Variants in BABAM2 observed in about 807,000 individuals in gnomAD.
BABAM2 encodes BRISC and BRCA1 A complex member 2.
Under a neutral mutation model 54.7 loss-of-function variants are expected in BABAM2, and 31 were observed. The ratio of observed to expected loss-of-function variants is 0.57; its 90% CI spans 0.43 to 0.77. BABAM2 has a LOEUF of 0.77. Among genes scored for constraint, BABAM2 ranks in the 30% least tolerant of loss-of-function variants. BABAM2 has a pLI of 0.00. For missense variants in BABAM2, 364 were observed against 455.8 expected (o/e 0.80, Z 1.83); for synonymous variants, 167 against 162.9 (o/e 1.03, Z -0.19).
At chr2:28,104,403 G>A (rs374994266) in intron 6 of BABAM2, among the ~76,000 whole-genome samples, 1,884 of 152,288 alleles carry the variant, frequency 0.012, 17 homozygotes, top group Middle Eastern at 0.031. Context: ...CTTCTCAAAA[G>A]AAGACATTTA....
chr2:28,335,154 C>CTTTTTTTTTTTTTT lies in BABAM2; in HGVS notation c.1089-3282_1089-3269dup, dbSNP rs56135926. Among the ~76,000 whole-genome samples, 166 of 71,512 alleles carry CTTTTTTTTTTTTTT rather than the reference C, an allele frequency of 2.3e-3. 11 individuals carry two copies. Among genetic ancestry groups the CTTTTTTTTTTTTTT allele is most frequent in the African/African-American group, 3.6e-3 (60 of 16,460 alleles). The allele number at this position is 71,512 out of a possible 152,430, so 46.9% of individuals were successfully genotyped here. On this transcript the variant is annotated intron_variant, in intron 11 of 11. Transcript: ENST00000379624. ...CTGGAGCTGCTGTCTCTCCCACCTT[C>CTTTTTTTTTTTTTT]TTTTTTTTTTTTTTTTTTTTTTTTT... is the stretch of plus-strand genomic sequence containing the variant.
At chr2:27,953,395 A>T (rs1357785109) in intron 3 of BABAM2, among the ~76,000 whole-genome samples, 1 of 151,856 alleles carries the variant, frequency 6.6e-6, no homozygotes, top group African/African-American at 2.4e-5. Flanking sequence ...GTTGCCCAGG[A>T]TGGTCTTGAA....
chr2:28,025,234 C>G lies in BABAM2; in HGVS notation c.309C>G (p.Ala103=), dbSNP rs1455955875. The change falls in exon 5 of 12, where the codon GCC becomes GCG. Residue 103 remains alanine (A), a synonymous_variant. Transcript: ENST00000379624. The stretch of plus-strand genomic sequence containing the variant: ...TGTTACGACTTCTACAGAATCTTGC[C>G]TCCTGGAATCCTTCAAATCCTGAAT... ...LPDPSALQNL[A]SWNPSNPECL... is the part of the protein sequence containing the mutation. 17 of 1,585,758 alleles carry G rather than the reference C, an allele frequency of 1.1e-5. No homozygotes were observed. Among genetic ancestry groups the G allele is most frequent in the Non-Finnish European group, 1.5e-5 (17 of 1,171,808 alleles).
chr2:28,163,943 T>G (rs1673364109), intron 7 of BABAM2, among the ~76,000 whole-genome samples: 1 of 152,234 alleles, frequency 6.6e-6, no homozygotes, highest in African/African-American at 2.4e-5. Context: ...GCTATGCACC[T>G]CTTAGAAACT....
chr2:27,977,364 G>A (rs1208754951), intron 3 of BABAM2, among the ~76,000 whole-genome samples: 1 of 152,136 alleles, frequency 6.6e-6, no homozygotes, highest in East Asian at 1.9e-4. Flanking sequence ...TAGAATCTAA[G>A]AATATCATGA....
At chr2:27,926,796 A>T (rs1483837951) in intron 2 of BABAM2, among the ~76,000 whole-genome samples, 2 of 151,918 alleles carry the variant, frequency 1.3e-5, no homozygotes, top group Non-Finnish European at 1.5e-5. Context: ...TTTTTTTTTC[A>T]TAAAACTATA....
intron 2 of BABAM2, among the ~76,000 whole-genome samples, chr2:27,905,743 C>T (rs1051503280): frequency 1.3e-5 from 2 of 152,140 alleles, no homozygotes; most frequent in African/African-American, 2.4e-5. Flanking sequence ...TCTCATCTAA[C>T]AAAACTCAGA....
rs75305074 is a variant in BABAM2 at position 28,230,339 on chromosome 2, G to A, written c.681-6863G>A. On this transcript the variant is annotated intron_variant, in intron 7 of 11. Coordinates refer to ENST00000379624, the MANE Select transcript of BABAM2 (RefSeq NM_199191.3). ...CTGAAGGACTGACACTCTTGAGATG[G>A]CTCAAAGTTGAATCTATAAAATGAG... is the stretch of plus-strand genomic sequence containing the variant. Among the ~76,000 whole-genome samples the A allele has an allele frequency of 2.7e-3, 408 of 152,158 alleles. 1 individual carries two copies. The highest frequency in any genetic ancestry group is 9.3e-3 in the African/African-American group (387 of 41,486).
At chr2:28,327,304 C>T (rs149600282) in intron 11 of BABAM2, 180 of 1,611,494 alleles carry the variant, frequency 1.1e-4, no homozygotes, top group Non-Finnish European at 1.4e-4. Context: ...ATGCCTGCAG[C>T]CCGTGGGAGC....
At chr2:28,163,315 C>T (rs2147819389) in intron 7 of BABAM2, among the ~76,000 whole-genome samples, 1 of 152,158 alleles carries the variant, frequency 6.6e-6, no homozygotes, top group Non-Finnish European at 1.5e-5. Context: ...TTAACAGCCC[C>T]AACTGGCCAC....
chr2:28,160,987 A>G (rs914029588), intron 7 of BABAM2, among the ~76,000 whole-genome samples: 2 of 152,194 alleles, frequency 1.3e-5, no homozygotes, highest in Admixed American at 6.5e-5. Flanking sequence ...GAGTTAAACC[A>G]TGAGGCGAGG....
At chr2:28,119,894 C>G (rs980070510) in intron 6 of BABAM2, among the ~76,000 whole-genome samples, 1 of 152,102 alleles carries the variant, frequency 6.6e-6, no homozygotes, top group Admixed American at 6.6e-5. Context: ...CCTTTCCTGA[C>G]CTGACAATCA....
At chr2:28,107,370 T>C (rs1412920270) in intron 6 of BABAM2, among the ~76,000 whole-genome samples, 1 of 152,182 alleles carries the variant, frequency 6.6e-6, no homozygotes, top group Non-Finnish European at 1.5e-5. Context: ...ACATTGCCCT[T>C]AAAATAAAAC....
Position 28,338,807 on chromosome 2 carries a change from G to A in BABAM2, c.*294G>A, listed in dbSNP as rs1691696246. On this transcript the variant is annotated 3_prime_UTR_variant, in exon 12 of 12. Transcript: ENST00000379624. ...GCAGTAATTTTCCGGGGAAAGTAAA[G>A]CCTCAGGAATGCCCACGCCTTTCTT... The A allele has an allele frequency of 1.1e-5, 4 of 364,084 alleles. No homozygotes were observed. The highest frequency in any genetic ancestry group is 8.5e-5 in the Admixed American group (2 of 23,508). The allele number at this position is 364,084 out of a possible 1,614,324, so 22.6% of individuals were successfully genotyped here.
intron 1 of BABAM2, among the ~76,000 whole-genome samples, chr2:27,892,818 C>T (rs922543137): frequency 2.0e-4 from 31 of 151,934 alleles, no homozygotes; most frequent in African/African-American, 7.5e-4. Context: ...AGTCGGGGGG[C>T]GGTCATCTGT....
chr2:28,290,581 C>A (rs143406206), intron 10 of BABAM2, among the ~76,000 whole-genome samples: 1 of 152,128 alleles, frequency 6.6e-6, no homozygotes, highest in African/African-American at 2.4e-5. Context: ...ATGTGTCATG[C>A]GCTGTACTAA....
intron 7 of BABAM2, among the ~76,000 whole-genome samples, chr2:28,229,219 A>C (rs1011665248): frequency 6.6e-6 from 1 of 152,206 alleles, no homozygotes; most frequent in Non-Finnish European, 1.5e-5. Flanking sequence ...CCAGAGACCT[A>C]AGAGTGGGGT....
chr2:28,176,029 T>G (rs1019388783), intron 7 of BABAM2, among the ~76,000 whole-genome samples: 5 of 152,140 alleles, frequency 3.3e-5, no homozygotes, highest in African/African-American at 1.2e-4. Flanking sequence ...GAATCAAAGT[T>G]AAGGTTTTCT....
At chr2:28,142,948 T>G (rs2147750011) in intron 7 of BABAM2, among the ~76,000 whole-genome samples, 1 of 152,188 alleles carries the variant, frequency 6.6e-6, no homozygotes, top group East Asian at 1.9e-4. Flanking sequence ...ATTTTGGTGA[T>G]TGGTCTTTGT....
Sources: gnomAD v4.1 joint callset for allele counts (sites outside exome capture counted in the v4.1 genomes callset) on GRCh38, gnomAD v4.1.1 for gene constraint, MANE v1.5 for transcripts, NCBI Gene and HGNC (gene_info 2026-07-23, HGNC 2026-07-21) for gene names.